The following TM4SF4 variants were observed in gnomAD, a reference collection of about 807,000 sequenced individuals.
The protein encoded by TM4SF4 is transmembrane 4 L6 family member 4.
In TM4SF4, 24 loss-of-function variants were observed where a neutral mutation model predicts 24.1. The observed-to-expected ratio is 1.00, with a 90% confidence interval of 0.72 to 1.40. The LOEUF is 1.40. Ranked by LOEUF, TM4SF4 falls within the 40% of genes most tolerant of loss-of-function variation. The pLI is 0.00. For synonymous variants in TM4SF4, 113 were observed against 97.0 expected, an observed-to-expected ratio of 1.17 and a Z score of -0.97; for missense variants, 254 against 254.2, an observed-to-expected ratio of 1.00 and a Z score of 0.01.
chr3:149,478,276 G>A (rs762839545), intron 2 of TM4SF4, among the ~76,000 whole-genome samples: 9 of 152,124 alleles, frequency 5.9e-5, no homozygotes, highest in Non-Finnish European at 1.3e-4. Context: ...CTCCCAAGTA[G>A]CTGGGATTAC....
At chr3:149,481,043 G>A (rs1560029316) in intron 2 of TM4SF4, among the ~76,000 whole-genome samples, 1 of 151,984 alleles carries the variant, frequency 6.6e-6, no homozygotes, top group Non-Finnish European at 1.5e-5. Flanking sequence ...TGTATTTTTA[G>A]TAGAGACTGC....
Position 149,474,920 on chromosome 3 carries a change from A to T in TM4SF4, c.43A>T (p.Ile15Phe), listed in dbSNP as rs747355286. The T allele has an allele frequency of 3.6e-5, 58 of 1,613,800 alleles. No individual in the cohort carries two copies. Among genetic ancestry groups the T allele is most frequent in the Non-Finnish European group, 4.6e-5 (54 of 1,179,878 alleles). Residue 15 changes from isoleucine (I) to phenylalanine (F), a missense_variant, in exon 1 of 5, where the codon ATT (isoleucine) becomes TTT (phenylalanine). Ile to Phe is a conservative substitution (Grantham distance 21). Coordinates refer to ENST00000305354, the MANE Select transcript of TM4SF4 (RefSeq NM_004617.4). Reference sequence around the variant, plus strand: ...TGCCAGATGCCTGGGGGGGACCCTCATTCCCCTTGCTTTTTTTGGCTTCCT... The same window carrying T: ...TGCCAGATGCCTGGGGGGGACCCTCTTTCCCCTTGCTTTTTTTGGCTTCCT... Reference protein sequence around the residue: ...GCARCLGGTLIPLAFFGFLAN... With the variant: ...GCARCLGGTLFPLAFFGFLAN...
Position 149,499,874 on chromosome 3 carries a change from C to CAATA in TM4SF4, c.591+980_591+983dup, listed in dbSNP as rs913600133. Among the ~76,000 whole-genome samples, 10 of 151,858 alleles carry CAATA rather than the reference C, an allele frequency of 6.6e-5. 1 individual carries two copies. The highest frequency in any genetic ancestry group is 6.8e-3 in the Middle Eastern group (2 of 294). The stretch of plus-strand genomic sequence containing the variant: ...TGTGTGACAGAGTGAGACCCTGTCT[C>CAATA]AATAAATAAATAAATAAATACATTT... On this transcript the variant is annotated intron_variant, in intron 4 of 4. Coordinates refer to ENST00000305354, the MANE Select transcript of TM4SF4 (RefSeq NM_004617.4).
In TM4SF4 at chr3:149,487,648, T is replaced by C; in HGVS notation, c.294T>C (p.Val98=). The stretch of plus-strand genomic sequence containing the variant: ...TCACCTCCACGATATTTGCTGTGGT[T>C]GGATTCTTGGGAGCTGGATACTCGT... ...AMFTSTIFAV[V]GFLGAGYSFI... Residue 98 remains valine, a synonymous_variant, in exon 3 of 5, where the codon GTT becomes GTC. Transcript: ENST00000305354. 2 of 1,614,048 alleles carry C rather than the reference T, an allele frequency of 1.2e-6. No individual in the cohort carries two copies. The highest frequency in any genetic ancestry group is 1.7e-6 in the Non-Finnish European group (2 of 1,179,896).
chr3:149,485,699 TGG>T (rs1367596408), intron 2 of TM4SF4, among the ~76,000 whole-genome samples: 1 of 152,096 alleles, frequency 6.6e-6, no homozygotes, highest in Non-Finnish European at 1.5e-5. Context: ...GAGACTGAGG[TGG>T]GAGGATCACT....
intron 2 of TM4SF4, among the ~76,000 whole-genome samples, chr3:149,484,089 T>C (rs1416763020): frequency 2.0e-5 from 3 of 152,268 alleles, no homozygotes; most frequent in Non-Finnish European, 4.4e-5. Flanking sequence ...CCCGTTTATT[T>C]TAAAATAAAT....
At chr3:149,502,063 G>A (rs911704207) in intron 4 of TM4SF4, among the ~76,000 whole-genome samples, 2 of 152,218 alleles carry the variant, frequency 1.3e-5, no homozygotes, top group East Asian at 3.8e-4. Context: ...AGAAGGCTCA[G>A]TAAATGGCAT....
At chr3:149,501,311 T>C (rs1294412687) in intron 4 of TM4SF4, among the ~76,000 whole-genome samples, 2 of 151,820 alleles carry the variant, frequency 1.3e-5, no homozygotes, top group East Asian at 3.9e-4. Context: ...ACAAGAATTG[T>C]CCATTTTTTT....
chr3:149,496,833 A>G (rs1426950641), intron 3 of TM4SF4, among the ~76,000 whole-genome samples: 1 of 151,918 alleles, frequency 6.6e-6, no homozygotes, highest in East Asian at 1.9e-4. Context: ...GTGAATTCTC[A>G]CAATTGTGAT....
intron 3 of TM4SF4, among the ~76,000 whole-genome samples, chr3:149,490,745 A>T (rs182818930): frequency 6.6e-5 from 10 of 152,314 alleles, no homozygotes; most frequent in African/African-American, 2.4e-4. Flanking sequence ...AGCATATAGT[A>T]ACTGTTGTTA....
At chr3:149,479,483 GC>G (rs1363293204) in intron 2 of TM4SF4, among the ~76,000 whole-genome samples, 1 of 151,602 alleles carries the variant, frequency 6.6e-6, no homozygotes. Context: ...AGTAGCTGGT[GC>G]TACAGGTGCT....
chr3:149,495,848 T>A, intron 3 of TM4SF4: 1 of 184,496 alleles, frequency 5.4e-6, no homozygotes, highest in Non-Finnish European at 1.1e-5. Context: ...CCCATGTGTG[T>A]TGAGAGCTCC....
At chr3:149,501,735 C>T (rs1734430514) in intron 4 of TM4SF4, among the ~76,000 whole-genome samples, 2 of 152,220 alleles carry the variant, frequency 1.3e-5, no homozygotes, top group Admixed American at 1.3e-4. Context: ...TGACTAACTT[C>T]TCATAGTCTC....
At position 149,491,295 on chromosome 3, in the gene TM4SF4, C is replaced by A. The variant is rs1312316527; in HGVS notation, c.401+3540C>A. On this transcript the variant is annotated intron_variant, in intron 3 of 4. Transcript: ENST00000305354. ...AACTCCCTGCTCCAGCGCCCCTCTA[C>A]AAAAAAAAAAAATTAAAAAATTAGC... is the stretch of plus-strand genomic sequence containing the variant. Among the ~76,000 whole-genome samples the A allele has an allele frequency of 1.1e-4, 14 of 125,700 alleles. No individual in the cohort carries two copies. The South Asian group carries it at 1.2e-3, about 11-fold the overall frequency. The allele number at this position is 125,700 out of a possible 152,430, so 82.5% of individuals were successfully genotyped here.
chr3:149,502,652 T>TGTG, intron 4 of TM4SF4, 24 bp from the exon 5 acceptor site: 2 of 1,587,526 alleles, frequency 1.3e-6, no homozygotes, highest in South Asian at 2.2e-5. Flanking sequence ...ACATCATAGT[T>TGTG]AATTCACCTT....
At chr3:149,496,517 C>G (rs67269375) in intron 3 of TM4SF4, among the ~76,000 whole-genome samples, 13,020 of 152,228 alleles carry the variant, frequency 0.086, 1,093 homozygotes, top group East Asian at 0.43. Flanking sequence ...TGCCGTGGCT[C>G]ACAACTGTAA....
At position 149,487,634 on chromosome 3, in the gene TM4SF4, A is replaced by G. The variant is rs184406490; in HGVS notation, c.280A>G (p.Ile94Val). 29 of 1,613,930 alleles carry G rather than the reference A, an allele frequency of 1.8e-5. No individual in the cohort carries two copies. The highest frequency in any genetic ancestry group is 1.6e-4 in the Middle Eastern group (1 of 6,062). The change falls in exon 3 of 5, where the codon ATA becomes GTA. Residue 94 changes from isoleucine to valine, a missense_variant. Ile to Val is a conservative substitution (Grantham distance 29, BLOSUM62 3). Coordinates refer to ENST00000305354, the MANE Select transcript of TM4SF4 (RefSeq NM_004617.4). Reference sequence around the variant, plus strand: ...TCTCTTTCAGATGTTCACCTCCACGATATTTGCTGTGGTTGGATTCTTGGG... The same window carrying G: ...TCTCTTTCAGATGTTCACCTCCACGGTATTTGCTGTGGTTGGATTCTTGGG... ...GKRFAMFTST[I>V]FAVVGFLGAG... is the part of the protein sequence containing the mutation.
At chr3:149,498,655 A>G in intron 3 of TM4SF4, 67 bp from the exon 4 acceptor site, 1 of 1,430,592 alleles carries the variant, frequency 7.0e-7, no homozygotes, top group Non-Finnish European at 9.8e-7. Context: ...TTGTTATGGT[A>G]ACTTTCTAGT....
intron 2 of TM4SF4, among the ~76,000 whole-genome samples, chr3:149,484,397 T>G (rs1734082988): frequency 1.3e-5 from 2 of 152,306 alleles, no homozygotes; most frequent in South Asian, 4.1e-4. Context: ...TTATTTTATT[T>G]TTTTGAGATG....
Sources: gnomAD v4.1 joint callset for allele counts (sites outside exome capture counted in the v4.1 genomes callset) on GRCh38, gnomAD v4.1.1 for gene constraint, MANE v1.5 for transcripts, NCBI Gene and HGNC (gene_info 2026-07-23, HGNC 2026-07-21) for gene names.